MAPK8IP3: variants seen among roughly 807,000 people sequenced by gnomAD.
MAPK8IP3 encodes the protein C-Jun-amino-terminal kinase-interacting protein 3.
MAPK8IP3 carries 49 observed loss-of-function variants against 157.8 expected under a neutral mutation model. The ratio of observed to expected loss-of-function variants is 0.31; its 90% CI spans 0.25 to 0.39. The LOEUF (loss-of-function observed/expected upper bound fraction) is 0.39. Among genes scored for constraint, MAPK8IP3 ranks in the 10% least tolerant of loss-of-function variants. The pLI is 1.00. For missense variants in MAPK8IP3, 1,478 were observed against 1,889.4 expected (o/e 0.78, Z 4.04); for synonymous variants, 897 against 777.7 (o/e 1.15, Z -2.55).
chr16:1,761,419 G>T, intron 13 of MAPK8IP3, 114 bp downstream of exon 13: 1 of 918,158 alleles, frequency 1.1e-6, no homozygotes, highest in East Asian at 2.5e-5. Flanking sequence ...CCATTCACAG[G>T]CAGAGCGGCC....
chr16:1,761,600 G>A (rs545975801), intron 13 of MAPK8IP3, among the ~76,000 whole-genome samples: 16 of 139,478 alleles, frequency 1.1e-4, no homozygotes, highest in African/African-American at 4.0e-4. Context: ...CAGGCAGAGC[G>A]GCCACCATTC....
chr16:1,706,805 C>G lies in MAPK8IP3; in HGVS notation c.318+148C>G, dbSNP rs1323550532. The G allele has an allele frequency of 1.2e-6, 1 of 820,234 alleles. No individual in the cohort carries two copies. The highest frequency in any genetic ancestry group is 3.3e-5 in the Admixed American group (1 of 30,146). 50.8% of individuals were successfully genotyped at this position (820,234 alleles called of 1,614,324 possible). Reference sequence around the variant, plus strand: ...GGACCCCCAGACCCCGCCCCGAGACCCGCCTGGACCCCATATCCCCCGCCC... The same window carrying G: ...GGACCCCCAGACCCCGCCCCGAGACGCGCCTGGACCCCATATCCCCCGCCC... On this transcript the variant is annotated intron_variant, in intron 1 of 31. Transcript: ENST00000610761. The surrounding 1 kb of genome is among the most constrained non-coding windows in gnomAD (Gnocchi z 5.1).
intron 5 of MAPK8IP3, chr16:1,744,574 C>G: frequency 1.0e-6 from 1 of 985,682 alleles, no homozygotes; most frequent in Non-Finnish European, 1.2e-6. Context: ...GCCCTGCCAC[C>G]TGGGCCCACC....
Position 1,745,134 on chromosome 16 carries a change from G to T in MAPK8IP3, c.747+1658G>T, listed in dbSNP as rs147163596. 2.2e-4 allele frequency: 220 copies of T among 985,458 alleles called. No individual in the cohort carries two copies. In the African/African-American group the frequency reaches 3.5e-3, roughly 16 times the overall value. The allele number at this position is 985,458 out of a possible 1,614,324, so 61.0% of individuals were successfully genotyped here. A position where few individuals can be genotyped will look rare whatever the true frequency, so the allele number is the denominator to read the frequency against. Reference sequence around the variant, plus strand: ...TTGTGGCCAGGGGGAGTGTCCCATGGGTAAGTGGTGGCCCTGTAGGGTGAC... The same window carrying T: ...TTGTGGCCAGGGGGAGTGTCCCATGTGTAAGTGGTGGCCCTGTAGGGTGAC... On this transcript the variant is annotated intron_variant, in intron 5 of 31. Coordinates refer to ENST00000610761, the MANE Select transcript of MAPK8IP3 (RefSeq NM_001318852.2).
At position 1,768,569 on chromosome 16, in the gene MAPK8IP3, AAGC is replaced by A; in HGVS notation, c.3836_3838del (p.Lys1279_Leu1280delinsMet). On this transcript the variant is annotated inframe_deletion, in exon 31 of 32. Coordinates refer to ENST00000610761, the MANE Select transcript of MAPK8IP3 (RefSeq NM_001318852.2). Reference sequence around the variant, plus strand: ...CCCTGCCTCGGAGGTCGAGGGCCAGAAGCTGCGGAACGTGCTGGTGCTGAGCGG... The same window carrying A: ...CCCTGCCTCGGAGGTCGAGGGCCAGATGCGGAACGTGCTGGTGCTGAGCGG... 1 of 1,583,208 alleles carries A rather than the reference AAGC, an allele frequency of 6.3e-7. No homozygotes were observed. Among genetic ancestry groups the A allele is most frequent in the South Asian group, 1.1e-5 (1 of 88,024 alleles).
chr16:1,732,385 G>A (rs547979528), intron 4 of MAPK8IP3, among the ~76,000 whole-genome samples: 16 of 152,370 alleles, frequency 1.1e-4, no homozygotes, highest in African/African-American at 3.6e-4. Flanking sequence ...AACGAGAAGG[G>A]TCAGAACGTC....
Position 1,766,401 on chromosome 16 carries a change from G to T in MAPK8IP3, c.2811G>T (p.Gln937His). Reference protein sequence around the residue: ...DPAPTPSSGPQPGSENGPEPD... With the variant: ...DPAPTPSSGPHPGSENGPEPD... ...CCCCGACCCCGTCCTCTGGCCCCCA[G>T]CCTGGCAGGTGAGCTCTTGGGCTGG... The change falls in exon 22 of 32, where the codon CAG becomes CAT. Residue 937 changes from glutamine (Q) to histidine (H), a missense_variant. Transcript: ENST00000610761. The T allele has an allele frequency of 3.1e-6, 5 of 1,610,146 alleles. No homozygotes were observed. The highest frequency in any genetic ancestry group is 3.4e-6 in the Non-Finnish European group (4 of 1,178,296).
intron 25 of MAPK8IP3, 43 bp downstream of exon 25, chr16:1,767,014 C>T (rs777552037): frequency 5.9e-5 from 92 of 1,567,402 alleles, no homozygotes; most frequent in Non-Finnish European, 7.5e-5. Context: ...CAGCTGATGG[C>T]CCTGGCATTG....
chr16:1,720,702 T>A (rs1334780362), intron 1 of MAPK8IP3, among the ~76,000 whole-genome samples: 1 of 152,236 alleles, frequency 6.6e-6, no homozygotes, highest in East Asian at 1.9e-4. Flanking sequence ...TTATTTTCAT[T>A]TTTTATATAA....
At position 1,724,788 on chromosome 16, in the gene MAPK8IP3, A is replaced by G. The variant is rs2038761817; in HGVS notation, c.439+111A>G. 1 of 1,403,960 alleles carries G rather than the reference A, an allele frequency of 7.1e-7. No individual in the cohort carries two copies. The highest frequency in any genetic ancestry group is 2.4e-5 in the East Asian group (1 of 42,464). The allele number at this position is 1,403,960 out of a possible 1,614,324, so 87.0% of individuals were successfully genotyped here. On this transcript the variant is annotated intron_variant, in intron 2 of 31. Coordinates refer to ENST00000610761, the MANE Select transcript of MAPK8IP3 (RefSeq NM_001318852.2). The surrounding 1 kb of genome is among the most constrained non-coding windows in gnomAD (Gnocchi z 4.1). ...CACACAAGGGGACGAGAGGAAGCCCAGTGGGAGCCTCAGCCATGTATTCCA... is the reference window on the plus strand; with the variant it reads ...CACACAAGGGGACGAGAGGAAGCCCGGTGGGAGCCTCAGCCATGTATTCCA...
intron 12 of MAPK8IP3, 87 bp downstream of exon 12, chr16:1,760,619 A>T (rs1245684847): frequency 6.7e-7 from 1 of 1,497,120 alleles, no homozygotes. Flanking sequence ...CCTGCTCTCC[A>T]GCCTGAGCGG....
At chr16:1,737,268 G>T (rs534418032) in intron 4 of MAPK8IP3, among the ~76,000 whole-genome samples, 1 of 108,300 alleles carries the variant, frequency 9.2e-6, no homozygotes, top group African/African-American at 4.0e-5. Context: ...CCGTGTGAGC[G>T]TGTGAGCGTC....
Position 1,761,218 on chromosome 16 carries a change from CCA to C in MAPK8IP3, c.1458-3_1458-2del, listed in dbSNP as rs760346725. The C allele has an allele frequency of 2.7e-5, 43 of 1,613,266 alleles. 1 individual carries two copies. The East Asian group carries it at 3.3e-4, about 13-fold the overall frequency. On this transcript the variant is annotated splice_polypyrimidine_tract_variant and splice_region_variant and intron_variant, in intron 12 of 31. Coordinates refer to ENST00000610761, the MANE Select transcript of MAPK8IP3 (RefSeq NM_001318852.2). The stretch of plus-strand genomic sequence containing the variant: ...CACCCTCCCTGCCTCCTTCCCCTTC[CCA>C]CAGAGTGAAGTCCGAGGCCATCATC...
At chr16:1,735,529 CCGTCCGTGTGAG>C (rs1251604021) in intron 4 of MAPK8IP3, among the ~76,000 whole-genome samples, 3 of 130,562 alleles carry the variant, frequency 2.3e-5, no homozygotes, top group South Asian at 2.5e-4. Flanking sequence ...AGCCGTGTGA[CCGTCCGTGTGAG>C]CGTCCGTGTG....
Position 1,765,181 on chromosome 16 carries a change from G to A in MAPK8IP3, c.2446+3G>A, listed in dbSNP as rs191132597. 8 of 1,586,204 alleles carry A rather than the reference G, an allele frequency of 5.0e-6. No individual in the cohort carries two copies. The East Asian group carries it at 1.4e-4, about 27-fold the overall frequency. On this transcript the variant is annotated splice_donor_region_variant and intron_variant, in intron 20 of 31. Transcript: ENST00000610761. ...GCTGTGCATCTCCAGCATCCCCGGTGAGCAGCTGGAGTGGGCGTTTCCACT... is the reference window on the plus strand; with the variant it reads ...GCTGTGCATCTCCAGCATCCCCGGTAAGCAGCTGGAGTGGGCGTTTCCACT...
At position 1,729,190 on chromosome 16, in the gene MAPK8IP3, G is replaced by A. The variant is rs2039117795; in HGVS notation, c.492G>A (p.Leu164=). 3.1e-6 allele frequency: 5 copies of A among 1,613,960 alleles called. No homozygotes were observed. The highest frequency in any genetic ancestry group is 4.2e-6 in the Non-Finnish European group (5 of 1,180,026). ...ESEMKKEYNA[L]HQRHTEMIQT... ...AGATGAAGAAGGAGTACAATGCCCTGCACCAGCGGCACACAGAGGTGGGCG... is the reference window on the plus strand; with the variant it reads ...AGATGAAGAAGGAGTACAATGCCCTACACCAGCGGCACACAGAGGTGGGCG... Residue 164 remains leucine (L), a synonymous_variant, in exon 3 of 32, where the codon CTG becomes CTA. Coordinates refer to ENST00000610761, the MANE Select transcript of MAPK8IP3 (RefSeq NM_001318852.2).
In MAPK8IP3 at chr16:1,747,183, T is replaced by C; in HGVS notation, c.902T>C (p.Val301Ala). 1 of 1,613,836 alleles carries C rather than the reference T, an allele frequency of 6.2e-7. No individual in the cohort carries two copies. Among genetic ancestry groups the C allele is most frequent in the Non-Finnish European group, 8.5e-7 (1 of 1,179,994 alleles). ...ESLQPLGDYG[V>A]GSKNSKRARE... ...CTGCAGCCCCTGGGGGACTATGGCGTGGGCTCCAAGAACAGCAAGCGTGCC... is the reference window on the plus strand; with the variant it reads ...CTGCAGCCCCTGGGGGACTATGGCGCGGGCTCCAAGAACAGCAAGCGTGCC... The change falls in exon 6 of 32, where the codon GTG becomes GCG. Residue 301 changes from valine (V) to alanine (A), a missense_variant. Around this residue, in one of 11 missense-constraint regions of MAPK8IP3, gnomAD observed 315 missense variants for 394.4 expected, o/e 0.80. Transcript: ENST00000610761.
Position 1,724,436 on chromosome 16 carries a change from G to T in MAPK8IP3, c.319-121G>T, listed in dbSNP as rs892297539. On this transcript the variant is annotated intron_variant, in intron 1 of 31. Transcript: ENST00000610761. This position sits in a 1 kb window ranked among gnomAD's most constrained non-coding sequence, Gnocchi z 4.1. ...CCCATTCCGGCCTGGCCATGGGCCA[G>T]CTTGTGGCCCTGGGGACATCTTTGG... is the stretch of plus-strand genomic sequence containing the variant. 1 of 1,353,392 alleles carries T rather than the reference G, an allele frequency of 7.4e-7. No homozygotes were observed. The highest frequency in any genetic ancestry group is 1.5e-5 in the African/African-American group (1 of 68,736). The allele number at this position is 1,353,392 out of a possible 1,614,324, so 83.8% of individuals were successfully genotyped here. A position where few individuals can be genotyped will look rare whatever the true frequency, so the allele number is the denominator to read the frequency against.
intron 1 of MAPK8IP3, among the ~76,000 whole-genome samples, chr16:1,715,778 G>T (rs1388513596): frequency 1.3e-5 from 2 of 151,752 alleles, no homozygotes; most frequent in African/African-American, 2.4e-5. Context: ...GCCTAGGCTG[G>T]AGTGCAATGG....
Sources: allele counts gnomAD v4.1 joint callset (sites outside exome capture counted in the v4.1 genomes callset), GRCh38; gene constraint gnomAD v4.1.1; regional missense constraint gnomAD v4.1.1; non-coding constraint Gnocchi (gnomAD v3.1); transcripts MANE v1.5; gene names NCBI Gene and HGNC (gene_info 2026-07-23, HGNC 2026-07-21).